Variants in RIT2 observed in about 807,000 individuals in gnomAD.
RIT2 encodes the protein Ras like without CAAX 2, also known as GTP-binding protein Rit2.
Under a neutral mutation model 23.7 loss-of-function variants are expected in RIT2, and 24 were observed. The ratio of observed to expected loss-of-function variants is 1.01; its 90% CI spans 0.73 to 1.43. RIT2 has a LOEUF of 1.43. RIT2 is among the 40% of genes most tolerant of loss of function. The pLI, the probability that RIT2 is intolerant of heterozygous loss-of-function variation, is 0.00. For synonymous variants in RIT2, 107 were observed against 91.1 expected, an observed-to-expected ratio of 1.17 and a Z score of -0.99; for missense variants, 236 against 266.9, an observed-to-expected ratio of 0.88 and a Z score of 0.81.
intron 4 of RIT2, among the ~76,000 whole-genome samples, chr18:42,887,550 G>A (rs1423059240): frequency 6.6e-6 from 1 of 152,162 alleles, no homozygotes; most frequent in Non-Finnish European, 1.5e-5. Context: ...CATTACTGGT[G>A]GAAGAGGGGG....
intron 4 of RIT2, among the ~76,000 whole-genome samples, chr18:42,870,441 A>G (rs1598692289): frequency 6.6e-6 from 1 of 152,006 alleles, no homozygotes; most frequent in African/African-American, 2.4e-5. Context: ...GGGTTTCACT[A>G]TGTTGGCTAG....
At chr18:42,757,154 C>A (rs1239663893) in intron 4 of RIT2, among the ~76,000 whole-genome samples, 2 of 152,098 alleles carry the variant, frequency 1.3e-5, no homozygotes, top group Non-Finnish European at 2.9e-5. Context: ...ACAGAAGAAA[C>A]CCTCCATGAA....
chr18:42,900,570 C>A (rs1313135649), intron 4 of RIT2, among the ~76,000 whole-genome samples: 1 of 151,934 alleles, frequency 6.6e-6, no homozygotes, highest in African/African-American at 2.4e-5. Context: ...ATTGGCTATA[C>A]CTAAAGCCAA....
At chr18:43,108,042 C>T (rs1372482841) in intron 1 of RIT2, among the ~76,000 whole-genome samples, 1 of 149,902 alleles carries the variant, frequency 6.7e-6, no homozygotes, top group African/African-American at 2.5e-5. Flanking sequence ...GGCATGGTGG[C>T]GGGTGACTGT....
At chr18:43,024,924 C>A (rs1911677314) in intron 2 of RIT2, among the ~76,000 whole-genome samples, 1 of 151,844 alleles carries the variant, frequency 6.6e-6, no homozygotes, top group South Asian at 2.1e-4. Flanking sequence ...AACAAGCCAA[C>A]AGGCCGGGTG....
chr18:42,770,722 G>T (rs1913531366), intron 4 of RIT2, among the ~76,000 whole-genome samples: 1 of 151,106 alleles, frequency 6.6e-6, no homozygotes, highest in African/African-American at 2.4e-5. Flanking sequence ...ACTTAAAATA[G>T]CAAAATATAT....
chr18:43,015,721 C>G (rs1384591849), intron 2 of RIT2, among the ~76,000 whole-genome samples: 1 of 151,514 alleles, frequency 6.6e-6, no homozygotes, highest in African/African-American at 2.4e-5. Flanking sequence ...AGAGCAGTGC[C>G]TGAAAATAAG....
At chr18:43,109,810 A>G (rs763742118) in intron 1 of RIT2, among the ~76,000 whole-genome samples, 3 of 124,050 alleles carry the variant, frequency 2.4e-5, no homozygotes, top group Non-Finnish European at 5.1e-5. Context: ...TGTTTCATAC[A>G]TATTTCACAT....
intron 4 of RIT2, among the ~76,000 whole-genome samples, chr18:42,807,652 T>G (rs913121315): frequency 3.9e-5 from 6 of 152,038 alleles, no homozygotes; most frequent in African/African-American, 1.4e-4. Flanking sequence ...CAAAAAATAG[T>G]ATTTGAAACT....
chr18:42,889,164 A>C (rs1362451799), intron 4 of RIT2, among the ~76,000 whole-genome samples: 1 of 152,102 alleles, frequency 6.6e-6, no homozygotes, highest in African/African-American at 2.4e-5. Flanking sequence ...TTATATAAAT[A>C]AGTTAACATA....
intron 4 of RIT2, among the ~76,000 whole-genome samples, chr18:42,809,291 A>G (rs1289924989): frequency 1.3e-5 from 2 of 152,144 alleles, no homozygotes; most frequent in East Asian, 3.8e-4. Context: ...TTCTGTAACT[A>G]GAGAAAGATT....
At chr18:42,852,746 T>A (rs1003686678) in intron 4 of RIT2, among the ~76,000 whole-genome samples, 24 of 151,978 alleles carry the variant, frequency 1.6e-4, no homozygotes, top group African/African-American at 5.8e-4. Context: ...GAGACTTTGT[T>A]TTCAGAATTT....
At position 43,115,581 on chromosome 18, in the gene RIT2, G is replaced by A. The variant is rs967287063; in HGVS notation, c.-62C>T. On this transcript the variant is annotated 5_prime_UTR_variant, in exon 1 of 5. Transcript: ENST00000326695. Reference sequence around the variant, plus strand: ...AGTCACCCGTGTCAGGTGCTTGCTCGAATATTAAGCAACTCTAAAACTGTG... The same window carrying A: ...AGTCACCCGTGTCAGGTGCTTGCTCAAATATTAAGCAACTCTAAAACTGTG... 6.4e-7 allele frequency: 1 copy of A among 1,572,902 alleles called. No individual in the cohort carries two copies. Among genetic ancestry groups the A allele is most frequent in the Non-Finnish European group, 8.6e-7 (1 of 1,165,828 alleles).
intron 1 of RIT2, among the ~76,000 whole-genome samples, chr18:43,057,797 A>ATTTTTTTTTTTTTTTT (rs1306990856): frequency 1.2e-5 from 1 of 85,026 alleles, no homozygotes; most frequent in African/African-American, 5.8e-5. Flanking sequence ...AGTGATGGAC[A>ATTTTTTTTTTTTTTTT]CTTTTTTTTT....
chr18:43,072,687 C>T (rs187894606), intron 1 of RIT2, among the ~76,000 whole-genome samples: 1 of 152,284 alleles, frequency 6.6e-6, no homozygotes, highest in African/African-American at 2.4e-5. Flanking sequence ...CAAATCTTTA[C>T]CTTCTTGCCG....
At chr18:42,777,007 T>C (rs550641953) in intron 4 of RIT2, among the ~76,000 whole-genome samples, 7 of 152,174 alleles carry the variant, frequency 4.6e-5, no homozygotes, top group African/African-American at 1.7e-4. Context: ...GTAGAAAAGA[T>C]GGAGGAAAAT....
At chr18:42,786,515 T>A (rs1370125172) in intron 4 of RIT2, among the ~76,000 whole-genome samples, 1 of 152,218 alleles carries the variant, frequency 6.6e-6, no homozygotes, top group East Asian at 1.9e-4. Flanking sequence ...AACACAGAGA[T>A]ACTGAAATAC....
intron 4 of RIT2, among the ~76,000 whole-genome samples, chr18:42,865,596 T>C (rs1219113648): frequency 2.0e-5 from 3 of 152,178 alleles, no homozygotes; most frequent in Middle Eastern, 3.2e-3. Flanking sequence ...AAGTACTCTA[T>C]CTTCCAGTAT....
intron 4 of RIT2, among the ~76,000 whole-genome samples, chr18:42,896,061 C>G (rs1361257598): frequency 6.6e-6 from 1 of 152,090 alleles, no homozygotes; most frequent in Non-Finnish European, 1.5e-5. Flanking sequence ...GTCAGGAGTT[C>G]GAGACCAGCC....
Sources: gnomAD v4.1 joint callset for allele counts (sites outside exome capture counted in the v4.1 genomes callset) on GRCh38, gnomAD v4.1.1 for gene constraint, MANE v1.5 for transcripts, NCBI Gene and HGNC (gene_info 2026-07-23, HGNC 2026-07-21) for gene names.